Variants in HLCS observed in about 807,000 individuals in gnomAD.
The protein encoded by HLCS is biotin--protein ligase.
A neutral mutation model predicts 75.0 loss-of-function variants in HLCS; 53 were observed. The observed-to-expected ratio is 0.71, with a 90% confidence interval of 0.57 to 0.89. HLCS has a LOEUF of 0.89. HLCS is among the 40% of genes least tolerant of loss of function. HLCS has a pLI of 0.00. For missense variants in HLCS, 966 were observed against 1,074.0 expected (o/e 0.90, Z 1.41); for synonymous variants, 431 against 428.6 (o/e 1.01, Z -0.07).
chr21:36,840,824 G>C (rs1715159947), intron 6 of HLCS, among the ~76,000 whole-genome samples: 1 of 152,062 alleles, frequency 6.6e-6, no homozygotes, highest in South Asian at 2.1e-4. Context: ...TGTTGGCCAG[G>C]CTGGTCTTGA....
intron 6 of HLCS, among the ~76,000 whole-genome samples, chr21:36,801,183 G>A (rs750607662): frequency 1.6e-4 from 25 of 152,140 alleles, no homozygotes; most frequent in South Asian, 2.1e-4. Flanking sequence ...CTGGTAAGCC[G>A]TCAATGCCCC....
chr21:36,895,035 T>C (rs1193484786), intron 6 of HLCS, among the ~76,000 whole-genome samples: 1 of 148,432 alleles, frequency 6.7e-6, no homozygotes, highest in Non-Finnish European at 1.5e-5. Context: ...GCTGCCCTCT[T>C]GGTGACGCGC....
chr21:36,877,780 C>G (rs922570379), intron 6 of HLCS, among the ~76,000 whole-genome samples: 6 of 152,132 alleles, frequency 3.9e-5, no homozygotes, highest in African/African-American at 1.4e-4. Context: ...CACTATGACA[C>G]ATTATCTTAG....
chr21:36,816,885 C>T (rs1052363374), intron 6 of HLCS, among the ~76,000 whole-genome samples: 3 of 152,112 alleles, frequency 2.0e-5, no homozygotes, highest in African/African-American at 7.2e-5. Context: ...GACTCGTAAG[C>T]TTCTGAGAAA....
At chr21:36,874,143 A>C (rs2146243438) in intron 6 of HLCS, among the ~76,000 whole-genome samples, 1 of 152,298 alleles carries the variant, frequency 6.6e-6, no homozygotes, top group Non-Finnish European at 1.5e-5. Flanking sequence ...TTACTGTATC[A>C]CCACTTCTTG....
chr21:36,765,032 T>G lies in HLCS; in HGVS notation c.2101A>C (p.Arg701=), dbSNP rs1486700780. The G allele has an allele frequency of 2.5e-6, 4 of 1,614,228 alleles. No individual in the cohort carries two copies. Among genetic ancestry groups the G allele is most frequent in the Non-Finnish European group, 2.5e-6 (3 of 1,180,038 alleles). Residue 701 remains arginine (R), a synonymous_variant, in exon 8 of 11, where the codon AGG becomes CGG. Transcript: ENST00000674895. ...LMSVAVVEAV[R]SIPEYQDINL... ...CCTACCTGATACTCGGGAATGGACCTCACTGCTTCCACGACAGCCACGGAC... is the reference window on the plus strand; with the variant it reads ...CCTACCTGATACTCGGGAATGGACCGCACTGCTTCCACGACAGCCACGGAC...
chr21:36,939,309 C>T (rs1053792751), intron 2 of HLCS, among the ~76,000 whole-genome samples: 2 of 152,172 alleles, frequency 1.3e-5, no homozygotes, highest in African/African-American at 2.4e-5. Context: ...ACCATGCTGC[C>T]CTTTAAAAAC....
chr21:36,836,157 C>T (rs2062404275), intron 6 of HLCS, among the ~76,000 whole-genome samples: 1 of 151,968 alleles, frequency 6.6e-6, no homozygotes, highest in South Asian at 2.1e-4. Flanking sequence ...CAAAACTATT[C>T]TGGAACACGG....
At chr21:36,756,157 G>A (rs917374658) in intron 10 of HLCS, among the ~76,000 whole-genome samples, 1 of 151,964 alleles carries the variant, frequency 6.6e-6, no homozygotes, top group Admixed American at 6.5e-5. Context: ...ACTGAACTAC[G>A]GCCGGGCGCG....
intron 6 of HLCS, among the ~76,000 whole-genome samples, chr21:36,855,536 TAA>T (rs71901243): frequency 0.057 from 4,253 of 74,488 alleles, 48 homozygotes; most frequent in African/African-American, 0.074. Context: ...AGACTCCATC[TAA>T]AAAAAAAAAA....
At chr21:36,874,822 C>T (rs1033929242) in intron 6 of HLCS, among the ~76,000 whole-genome samples, 2 of 152,084 alleles carry the variant, frequency 1.3e-5, no homozygotes, top group East Asian at 2.0e-4. Flanking sequence ...GGTGCAGCTG[C>T]GGCCACCCAG....
intron 5 of HLCS, among the ~76,000 whole-genome samples, chr21:36,897,807 A>G (rs946171281): frequency 6.6e-6 from 1 of 152,188 alleles, no homozygotes; most frequent in African/African-American, 2.4e-5. Context: ...TCTCTACTCT[A>G]TCCCCAAAAC....
chr21:36,911,748 C>CAAA (rs11287408), intron 5 of HLCS, among the ~76,000 whole-genome samples: 6 of 47,832 alleles, frequency 1.3e-4, no homozygotes, highest in Admixed American at 3.6e-4. Context: ...GACTCCGTCT[C>CAAA]AAAAAAAAAA....
At chr21:36,929,585 G>A (rs963096504) in intron 5 of HLCS, among the ~76,000 whole-genome samples, 5 of 152,176 alleles carry the variant, frequency 3.3e-5, no homozygotes, top group African/African-American at 7.2e-5. Flanking sequence ...GAAACTACAT[G>A]GTTATGTCAT....
At chr21:36,916,283 T>C (rs1284154443) in intron 5 of HLCS, among the ~76,000 whole-genome samples, 3 of 152,158 alleles carry the variant, frequency 2.0e-5, no homozygotes, top group African/African-American at 7.2e-5. Flanking sequence ...GTAGAATCCC[T>C]TTGTTGAGTA....
At chr21:36,821,503 T>C (rs956915918) in intron 6 of HLCS, among the ~76,000 whole-genome samples, 1 of 152,190 alleles carries the variant, frequency 6.6e-6, no homozygotes, top group Non-Finnish European at 1.5e-5. Flanking sequence ...CAAAAAATGG[T>C]TGGGAGATTT....
chr21:36,936,027 C>T (rs1213030600), intron 4 of HLCS, among the ~76,000 whole-genome samples: 3 of 152,176 alleles, frequency 2.0e-5, no homozygotes, highest in Non-Finnish European at 2.9e-5. Flanking sequence ...TGGTCACTGA[C>T]GTCTAGAATC....
At chr21:36,971,013 A>G (rs2068774248), upstream of HLCS, among the ~76,000 whole-genome samples, 1 of 151,860 alleles carries the variant, frequency 6.6e-6, no homozygotes, top group Non-Finnish European at 1.5e-5. Context: ...AAAAGAAAGA[A>G]AAGAAAATCT....
chr21:36,868,419 G>A (rs1292913149), intron 6 of HLCS, among the ~76,000 whole-genome samples: 1 of 152,092 alleles, frequency 6.6e-6, no homozygotes, highest in Non-Finnish European at 1.5e-5. Context: ...GGCAAAACAA[G>A]ACAGATGGGA....
Sources: allele counts gnomAD v4.1 joint callset (sites outside exome capture counted in the v4.1 genomes callset), GRCh38; gene constraint gnomAD v4.1.1; transcripts MANE v1.5; gene names NCBI Gene and HGNC (gene_info 2026-07-23, HGNC 2026-07-21).